Variants in TRIM33 observed in about 807,000 individuals in gnomAD.
The protein encoded by TRIM33 is tripartite motif containing 33.
A neutral mutation model predicts 125.4 loss-of-function variants in TRIM33; 20 were observed. The ratio of observed to expected loss-of-function variants is 0.16; its 90% CI spans 0.11 to 0.23. The LOEUF is 0.23. Ranked by LOEUF, TRIM33 falls within the 10% of genes least tolerant of loss-of-function variation. The pLI is 1.00. For missense variants in TRIM33, 920 were observed against 1,411.4 expected, an observed-to-expected ratio of 0.65 and a Z score of 5.58; for synonymous variants, 564 against 513.9, an observed-to-expected ratio of 1.10 and a Z score of -1.32.
At chr1:114,498,106 G>C (rs868846118) in intron 1 of TRIM33, among the ~76,000 whole-genome samples, 1 of 124,106 alleles carries the variant, frequency 8.1e-6, no homozygotes, top group Non-Finnish European at 1.6e-5. Flanking sequence ...CAGCCTGGGC[G>C]ACAGACTGAG....
At chr1:114,490,412 C>T (rs142844910) in intron 1 of TRIM33, among the ~76,000 whole-genome samples, 1 of 152,212 alleles carries the variant, frequency 6.6e-6, no homozygotes, top group East Asian at 1.9e-4. Flanking sequence ...TATAGAGAAA[C>T]TGGAACCCTC....
In TRIM33 at chr1:114,433,754, A is replaced by G. The variant is rs995704687; in HGVS notation, c.924-21T>C. ...GATACCTTAAAACCAAAACAAAACT[A>G]CATTTAAAACAAAACATTTATGATT... On this transcript the variant is annotated intron_variant, in intron 4 of 19. Coordinates refer to ENST00000358465, the MANE Select transcript of TRIM33 (RefSeq NM_015906.4). The G allele has an allele frequency of 3.0e-6, 4 of 1,353,558 alleles. No homozygotes were observed. The South Asian group carries it at 5.0e-5, about 17-fold the overall frequency. The allele number at this position is 1,353,558 out of a possible 1,614,324, so 83.8% of individuals were successfully genotyped here.
rs868466418 is a variant in TRIM33 at position 114,393,543 on chromosome 1, T to C, written c.*4105A>G. ...TTTGATATGACAAATATATCCAAAT[T>C]AACTTATTTTTGAAGATAGTTTTGT... On this transcript the variant is annotated 3_prime_UTR_variant, in exon 20 of 20. Transcript: ENST00000358465. 2.0e-5 allele frequency: 4 copies of C among 201,902 alleles called. No individual in the cohort carries two copies. The highest frequency in any genetic ancestry group is 1.6e-3 in the Middle Eastern group (1 of 610). 12.5% of individuals were successfully genotyped at this position (201,902 alleles called of 1,614,324 possible). A position where few individuals can be genotyped will look rare whatever the true frequency, so the allele number is the denominator to read the frequency against.
chr1:114,502,186 T>G (rs1652758554), intron 1 of TRIM33, among the ~76,000 whole-genome samples: 1 of 152,242 alleles, frequency 6.6e-6, no homozygotes, highest in South Asian at 2.1e-4. Flanking sequence ...TGAACTGTTA[T>G]GGGTACTCCA....
intron 1 of TRIM33, among the ~76,000 whole-genome samples, chr1:114,497,599 C>T (rs1467156289): frequency 1.3e-5 from 2 of 152,148 alleles, no homozygotes; most frequent in Middle Eastern, 6.3e-3. Context: ...CCCTGCCTGG[C>T]CTCTAATAAT....
At chr1:114,456,626 T>G (rs1029303302) in intron 4 of TRIM33, among the ~76,000 whole-genome samples, 1 of 152,148 alleles carries the variant, frequency 6.6e-6, no homozygotes, top group African/African-American at 2.4e-5. Context: ...CAACCACAAT[T>G]TGCCTTTGAG....
At chr1:114,472,721 GAAAACAAAAACA>G (rs199504503) in intron 1 of TRIM33, among the ~76,000 whole-genome samples, 1 of 152,018 alleles carries the variant, frequency 6.6e-6, no homozygotes, top group Non-Finnish European at 1.5e-5. Flanking sequence ...TCTCAAAAAT[GAAAACAAAAACA>G]AAAACAAAAA....
intron 13 of TRIM33, among the ~76,000 whole-genome samples, 171 bp downstream of exon 13, chr1:114,408,506 G>C (rs1453391537): frequency 6.6e-6 from 1 of 152,080 alleles, no homozygotes; most frequent in Non-Finnish European, 1.5e-5. Context: ...AAATAATTCA[G>C]ACCAGAAAGG....
chr1:114,402,033 A>G (rs1651925881), intron 16 of TRIM33, among the ~76,000 whole-genome samples: 1 of 152,216 alleles, frequency 6.6e-6, no homozygotes, highest in African/African-American at 2.4e-5. Context: ...GTCTTCACAG[A>G]TAGTGGATGA....
intron 6 of TRIM33, among the ~76,000 whole-genome samples, chr1:114,430,437 T>A (rs1320445583): frequency 1.3e-5 from 2 of 152,098 alleles, no homozygotes; most frequent in African/African-American, 4.8e-5. Flanking sequence ...AGAGGCAGGT[T>A]TCGCCATGTT....
chr1:114,437,698 A>T lies in TRIM33; in HGVS notation c.924-3965T>A, dbSNP rs545414707. On this transcript the variant is annotated intron_variant, in intron 4 of 19. Coordinates refer to ENST00000358465, the MANE Select transcript of TRIM33 (RefSeq NM_015906.4). ...TGAACTATTCTCCATATTTCAAAAT[A>T]GGTAAAATAAAGTAAAAATGATGTA... 2.0e-5 allele frequency among the ~76,000 whole-genome samples: 3 copies of T among 152,314 alleles called. No individual in the cohort carries two copies. The East Asian group carries it at 5.8e-4, about 29-fold the overall frequency.
At position 114,403,789 on chromosome 1, in the gene TRIM33, G is replaced by C. The variant is rs557847434; in HGVS notation, c.2769-906C>G. 3.9e-5 allele frequency among the ~76,000 whole-genome samples: 6 copies of C among 152,260 alleles called. No individual in the cohort carries two copies. The South Asian group carries it at 1.2e-3, about 32-fold the overall frequency. On this transcript the variant is annotated intron_variant, in intron 15 of 19. Transcript: ENST00000358465. ...GATCTGCCTACCTTGGCCTCCCAAA[G>C]TGCTGAGATCACAGGCACCCGCCAC...
At chr1:114,479,619 G>C (rs1430734779) in intron 1 of TRIM33, among the ~76,000 whole-genome samples, 1 of 152,186 alleles carries the variant, frequency 6.6e-6, no homozygotes, top group Non-Finnish European at 1.5e-5. Context: ...AAATCTAAAG[G>C]AAGTCTGTCA....
intron 1 of TRIM33, among the ~76,000 whole-genome samples, chr1:114,487,421 C>T (rs1008264726): frequency 6.7e-6 from 1 of 149,190 alleles, no homozygotes; most frequent in African/African-American, 2.5e-5. Flanking sequence ...ATTCTATATT[C>T]AACAAATACC....
chr1:114,397,372 G>T lies in TRIM33; in HGVS notation c.*276C>A. 4.4e-6 allele frequency: 2 copies of T among 453,348 alleles called. No individual in the cohort carries two copies. The highest frequency in any genetic ancestry group is 7.9e-6 in the Non-Finnish European group (2 of 254,180). 28.1% of individuals were successfully genotyped at this position (453,348 alleles called of 1,614,324 possible). On this transcript the variant is annotated 3_prime_UTR_variant, in exon 20 of 20. Transcript: ENST00000358465. ...ATATTTGCCATTTCTAACAATCAGA[G>T]AATCATCTCCATTAGAACAGAAATC...
At chr1:114,454,827 C>T (rs561419980) in intron 4 of TRIM33, among the ~76,000 whole-genome samples, 1 of 152,206 alleles carries the variant, frequency 6.6e-6, no homozygotes, top group East Asian at 1.9e-4. Flanking sequence ...GTCTCAGGGT[C>T]ACTCCAAAAG....
chr1:114,457,656 C>T (rs1463902503), intron 4 of TRIM33, among the ~76,000 whole-genome samples: 1 of 152,194 alleles, frequency 6.6e-6, no homozygotes, highest in African/African-American at 2.4e-5. Flanking sequence ...GACTTTGAAA[C>T]TACCTGAGGA....
In TRIM33 at chr1:114,408,340, A is replaced by G. The variant is rs555935454; in HGVS notation, c.2258+337T>C. Among the ~76,000 whole-genome samples, 4 of 152,316 alleles carry G rather than the reference A, an allele frequency of 2.6e-5. No individual in the cohort carries two copies. In the East Asian group the frequency reaches 7.7e-4, roughly 29 times the overall value. On this transcript the variant is annotated intron_variant, in intron 13 of 19. Coordinates refer to ENST00000358465, the MANE Select transcript of TRIM33 (RefSeq NM_015906.4). ...GGCATTTGTTGCAAAAATTGGGAAC[A>G]CTAAACATTAACTGGATCTCTACTG...
intron 1 of TRIM33, among the ~76,000 whole-genome samples, chr1:114,498,627 A>G (rs1049061690): frequency 1.3e-5 from 2 of 152,084 alleles, no homozygotes; most frequent in African/African-American, 4.8e-5. Flanking sequence ...ATGAGACTCC[A>G]TCTCAAAAAA....
Sources: allele counts gnomAD v4.1 joint callset (sites outside exome capture counted in the v4.1 genomes callset), GRCh38; gene constraint gnomAD v4.1.1; transcripts MANE v1.5; gene names NCBI Gene and HGNC (gene_info 2026-07-23, HGNC 2026-07-21).